Variants in PRKCE observed in about 807,000 individuals in gnomAD.
PRKCE encodes the protein protein kinase C epsilon.
A neutral mutation model predicts 85.4 loss-of-function variants in PRKCE; 16 were observed. The observed-to-expected ratio is 0.19, with a 90% CI of 0.13 to 0.28. The LOEUF (loss-of-function observed/expected upper bound fraction) is 0.28. PRKCE is among the 10% of genes least tolerant of loss of function. The pLI is 1.00. For missense variants in PRKCE, 573 were observed against 975.2 expected (o/e 0.59, Z 5.49); for synonymous variants, 388 against 371.5 (o/e 1.04, Z -0.51).
At chr2:45,998,297 A>G (rs1190942627) in intron 6 of PRKCE, among the ~76,000 whole-genome samples, 2 of 152,236 alleles carry the variant, frequency 1.3e-5, no homozygotes, top group Non-Finnish European at 2.9e-5. Context: ...CAATTATAAT[A>G]GCAGCATCAT....
In PRKCE at chr2:46,068,260, C is replaced by CT. The variant is rs1458966989; in HGVS notation, c.1438-17947dup. On this transcript the variant is annotated intron_variant, in intron 10 of 14. Coordinates refer to ENST00000306156, the MANE Select transcript of PRKCE (RefSeq NM_005400.3). This position sits in a 1 kb window ranked among gnomAD's most constrained non-coding sequence, Gnocchi z 4.3. ...TATCTAACTTACGAGCATGCCTACT[C>CT]TGTTAGGTCCAGTAAAGGATTCAGA... 2.0e-5 allele frequency among the ~76,000 whole-genome samples: 3 copies of CT among 152,148 alleles called. No individual in the cohort carries two copies. The highest frequency in any genetic ancestry group is 7.2e-5 in the African/African-American group (3 of 41,438).
chr2:45,918,752 G>A (rs1212595817), intron 2 of PRKCE, among the ~76,000 whole-genome samples: 5 of 152,166 alleles, frequency 3.3e-5, no homozygotes, highest in African/African-American at 9.7e-5. Flanking sequence ...CTGAGGCACC[G>A]CAGGGCTGAG....
intron 1 of PRKCE, among the ~76,000 whole-genome samples, chr2:45,673,874 G>C (rs1053136370): frequency 6.6e-6 from 1 of 152,122 alleles, no homozygotes; most frequent in Non-Finnish European, 1.5e-5. Flanking sequence ...TCCAGGGATC[G>C]TTCCTATGGA....
intron 2 of PRKCE, among the ~76,000 whole-genome samples, chr2:45,946,478 A>G: frequency 6.6e-6 from 1 of 152,130 alleles, no homozygotes; most frequent in East Asian, 1.9e-4. Flanking sequence ...AGAGAATGCA[A>G]AGGCCTAGAA....
chr2:45,938,236 G>A (rs942304229), intron 2 of PRKCE, among the ~76,000 whole-genome samples: 5 of 152,160 alleles, frequency 3.3e-5, no homozygotes, highest in African/African-American at 1.2e-4. Flanking sequence ...GCCCCTTGGA[G>A]AGGTGGTGCA....
intron 2 of PRKCE, among the ~76,000 whole-genome samples, chr2:45,874,355 T>C (rs79759405): frequency 0.024 from 3,629 of 152,334 alleles, 69 homozygotes; most frequent in African/African-American, 0.051. Context: ...GTGATGACGC[T>C]GGCCTGCCCT....
intron 10 of PRKCE, among the ~76,000 whole-genome samples, chr2:46,062,758 C>G (rs1667269188): frequency 7.0e-6 from 1 of 142,302 alleles, no homozygotes; most frequent in Admixed American, 7.4e-5. Context: ...ACTGCAACCT[C>G]CGCCTCCGGG....
At chr2:45,915,035 C>G (rs1055167201) in intron 2 of PRKCE, among the ~76,000 whole-genome samples, 1 of 152,180 alleles carries the variant, frequency 6.6e-6, no homozygotes, top group African/African-American at 2.4e-5. Context: ...CTTCTGGGTT[C>G]AAGCGAGCAC....
intron 1 of PRKCE, among the ~76,000 whole-genome samples, chr2:45,744,889 G>A (rs987018837): frequency 7.9e-5 from 12 of 152,286 alleles, no homozygotes; most frequent in East Asian, 5.8e-4. Context: ...GATTATAGGC[G>A]TGAGCCACCG....
At chr2:45,739,834 C>A (rs951255079) in intron 1 of PRKCE, among the ~76,000 whole-genome samples, 1 of 152,176 alleles carries the variant, frequency 6.6e-6, no homozygotes, top group East Asian at 1.9e-4. Flanking sequence ...GGGAAAATTT[C>A]ACAGTATGTA....
At chr2:45,970,335 T>A (rs1702025233) in intron 2 of PRKCE, among the ~76,000 whole-genome samples, 1 of 152,194 alleles carries the variant, frequency 6.6e-6, no homozygotes. Flanking sequence ...CTTATGAAAA[T>A]TTTATGTTTG....
At chr2:45,882,364 C>T (rs763815400) in intron 2 of PRKCE, among the ~76,000 whole-genome samples, 6 of 152,302 alleles carry the variant, frequency 3.9e-5, no homozygotes, top group Non-Finnish European at 8.8e-5. Flanking sequence ...TATTTGTACA[C>T]AAGCATCACA....
intron 2 of PRKCE, among the ~76,000 whole-genome samples, chr2:45,961,540 C>G (rs977351358): frequency 6.6e-6 from 1 of 152,180 alleles, no homozygotes; most frequent in African/African-American, 2.4e-5. Flanking sequence ...ATTTCACACC[C>G]TTTCCATGTT....
intron 2 of PRKCE, among the ~76,000 whole-genome samples, chr2:45,952,861 C>T (rs1045688656): frequency 6.6e-6 from 1 of 152,214 alleles, no homozygotes; most frequent in African/African-American, 2.4e-5. Context: ...CAACCAGTGT[C>T]TCTTTTCAAC....
At chr2:45,987,219 G>A (rs554599404) in intron 6 of PRKCE, among the ~76,000 whole-genome samples, 26 of 152,276 alleles carry the variant, frequency 1.7e-4, no homozygotes, top group South Asian at 1.0e-3. Context: ...TGTTGGGCAG[G>A]AAATGCTCTT....
At chr2:45,970,632 C>G (rs899585839) in intron 2 of PRKCE, among the ~76,000 whole-genome samples, 5 of 152,006 alleles carry the variant, frequency 3.3e-5, no homozygotes, top group African/African-American at 1.2e-4. Flanking sequence ...GGGTGAAAAT[C>G]AGAAACTACA....
chr2:46,067,058 C>T (rs899298091), intron 10 of PRKCE, among the ~76,000 whole-genome samples: 2 of 152,156 alleles, frequency 1.3e-5, no homozygotes, highest in African/African-American at 4.8e-5. Flanking sequence ...AGATAAGGAT[C>T]ATTTTAACCA....
At position 46,075,088 on chromosome 2, in the gene PRKCE, T is replaced by C. The variant is rs1668439117; in HGVS notation, c.1438-11120T>C. Among the ~76,000 whole-genome samples the C allele has an allele frequency of 2.0e-5, 3 of 152,192 alleles. No homozygotes were observed. The South Asian group carries it at 6.2e-4, about 32-fold the overall frequency. ...CGGAGTCTCGCCCTGTCGCCCAGGCTGGAGTGCAGTGGCGTGATCTCGGCT... is the reference window on the plus strand; with the variant it reads ...CGGAGTCTCGCCCTGTCGCCCAGGCCGGAGTGCAGTGGCGTGATCTCGGCT... On this transcript the variant is annotated intron_variant, in intron 10 of 14. Coordinates refer to ENST00000306156, the MANE Select transcript of PRKCE (RefSeq NM_005400.3).
At chr2:45,735,384 C>T (rs1681967803) in intron 1 of PRKCE, among the ~76,000 whole-genome samples, 1 of 152,214 alleles carries the variant, frequency 6.6e-6, no homozygotes, top group East Asian at 1.9e-4. Flanking sequence ...AGCTGTAAGA[C>T]AGCTTGTAGT....
Sources: allele counts gnomAD v4.1 joint callset (sites outside exome capture counted in the v4.1 genomes callset), GRCh38; gene constraint gnomAD v4.1.1; non-coding constraint Gnocchi (gnomAD v3.1); transcripts MANE v1.5; gene names NCBI Gene and HGNC (gene_info 2026-07-23, HGNC 2026-07-21).